Variants in ATXN7 observed in about 807,000 individuals in gnomAD.
The protein encoded by ATXN7 is ataxin 7.
Under a neutral mutation model 70.5 loss-of-function variants are expected in ATXN7, and 12 were observed. That is an observed-to-expected ratio of 0.17 (90% confidence interval 0.11 to 0.28). The LOEUF (loss-of-function observed/expected upper bound fraction) is 0.28, where lower values mean the gene tolerates loss of function less well. ATXN7 is among the 10% of genes least tolerant of loss of function. The probability of loss-of-function intolerance (pLI) is 1.00; values close to 1 mark genes in which losing one functional copy is unlikely to be tolerated. For missense variants in ATXN7, 1,256 were observed against 1,131.7 expected (o/e 1.11, Z -1.58); for synonymous variants, 498 against 448.7 (o/e 1.11, Z -1.39).
At chr3:63,868,138 C>T (rs183191191) in intron 1 of ATXN7, among the ~76,000 whole-genome samples, 3 of 152,270 alleles carry the variant, frequency 2.0e-5, no homozygotes, top group East Asian at 3.9e-4. Flanking sequence ...ATGGGTCTTT[C>T]AGCTCCACTC....
At chr3:63,881,198 T>A (rs1308660921) in intron 1 of ATXN7, among the ~76,000 whole-genome samples, 1 of 152,222 alleles carries the variant, frequency 6.6e-6, no homozygotes, top group African/African-American at 2.4e-5. Context: ...GGATTTAAAC[T>A]CTGGTCTGTT....
rs560565279 is a variant in ATXN7 at position 63,996,147 on chromosome 3, A to G, written c.2325A>G (p.Ser775=). The part of the protein sequence containing the change: ...ANAVNVRHDQ[S]GRGPPTGSPA... ...CGGTGAACGTCCGGCATGACCAGTC[A>G]GGGAGGGGCCCCCCCACCGGGAGCC... The change falls in exon 12 of 13, where the codon TCA becomes TCG. Residue 775 remains serine, a synonymous_variant. Coordinates refer to ENST00000674280, the MANE Select transcript of ATXN7 (RefSeq NM_001377405.1). The G allele has an allele frequency of 6.2e-7, 1 of 1,614,170 alleles. No homozygotes were observed. Among genetic ancestry groups the G allele is most frequent in the African/African-American group, 1.3e-5 (1 of 75,034 alleles).
At chr3:63,913,051 C>T (rs1336952396) in intron 3 of ATXN7, 106 bp from the exon 4 acceptor site, 13 of 1,366,142 alleles carry the variant, frequency 9.5e-6, no homozygotes, top group African/African-American at 7.4e-5. Context: ...TGCTGGGTTG[C>T]GGAACGCGGA....
At position 63,980,110 on chromosome 3, in the gene ATXN7, G is replaced by A. The variant is rs199913643; in HGVS notation, c.695G>A (p.Arg232Lys). 751 of 1,614,194 alleles carry A rather than the reference G, an allele frequency of 4.7e-4. No homozygotes were observed. The highest frequency in any genetic ancestry group is 5.8e-4 in the Non-Finnish European group (683 of 1,180,042). The change falls in exon 6 of 13, where the codon AGG becomes AAG. Residue 232 changes from arginine to lysine, a missense_variant. By Grantham distance (26) the Arg-to-Lys change is conservative. Transcript: ENST00000674280. ...TCACCCAAAGAGAAACTGCAGCTCA[G>A]GGGGAACACCAGGCCAATGCATCCC... ...LKSPKEKLQL[R>K]GNTRPMHPIQ...
chr3:63,979,042 G>A (rs1408698403), intron 5 of ATXN7, among the ~76,000 whole-genome samples: 2 of 152,136 alleles, frequency 1.3e-5, no homozygotes, highest in Admixed American at 1.3e-4. Context: ...GTACTCAAGC[G>A]GATAAAGTTA....
intron 1 of ATXN7, among the ~76,000 whole-genome samples, chr3:63,882,716 A>G (rs555180004): frequency 3.3e-5 from 5 of 152,224 alleles, no homozygotes; most frequent in African/African-American, 1.2e-4. Context: ...TGTGTTGTTT[A>G]TTTATCAGAC....
At chr3:63,966,701 T>C (rs981600951) in intron 5 of ATXN7, among the ~76,000 whole-genome samples, 3 of 152,200 alleles carry the variant, frequency 2.0e-5, no homozygotes, top group Admixed American at 2.0e-4. Context: ...ATTTAGAATT[T>C]GGTCTAATAG....
chr3:63,975,171 A>G (rs1412051682), intron 5 of ATXN7, among the ~76,000 whole-genome samples: 1 of 152,260 alleles, frequency 6.6e-6, no homozygotes, highest in Admixed American at 6.5e-5. Context: ...GCTTTATAGC[A>G]GAACTGAAGA....
chr3:63,893,781 G>T (rs957893684), intron 1 of ATXN7, among the ~76,000 whole-genome samples: 8 of 151,944 alleles, frequency 5.3e-5, no homozygotes, highest in African/African-American at 1.7e-4. Flanking sequence ...CTGTAGCTCA[G>T]CAGGTAGAAA....
chr3:63,962,015 G>A (rs2075140847), intron 5 of ATXN7, among the ~76,000 whole-genome samples: 1 of 152,166 alleles, frequency 6.6e-6, no homozygotes, highest in Admixed American at 6.5e-5. Flanking sequence ...AGAAGAGGGA[G>A]TTTTTATCAC....
intron 11 of ATXN7, among the ~76,000 whole-genome samples, chr3:63,991,587 GTTGAAGAAAT>G (rs2075672519): frequency 1.3e-5 from 2 of 152,118 alleles, no homozygotes; most frequent in African/African-American, 4.8e-5. Context: ...AAGACAGTTT[GTTGAAGAAAT>G]AGCAAGAAAT....
At chr3:63,908,918 T>G (rs1422489882) in intron 2 of ATXN7, among the ~76,000 whole-genome samples, 7 of 152,200 alleles carry the variant, frequency 4.6e-5, no homozygotes, top group Admixed American at 3.9e-4. Context: ...ATGCACAGAA[T>G]TAGCAGTACT....
chr3:63,977,650 A>C (rs753170688), intron 5 of ATXN7, among the ~76,000 whole-genome samples: 1 of 152,036 alleles, frequency 6.6e-6, no homozygotes, highest in Non-Finnish European at 1.5e-5. Flanking sequence ...GCCCTGCTTC[A>C]CTCTGGGGCC....
intron 2 of ATXN7, 86 bp from the exon 3 acceptor site, chr3:63,912,502 C>A: frequency 2.2e-6 from 2 of 902,386 alleles, no homozygotes; most frequent in Non-Finnish European, 2.7e-6. Flanking sequence ...GGTCCGCGGG[C>A]CGCGCACGCC....
intron 5 of ATXN7, among the ~76,000 whole-genome samples, chr3:63,961,546 G>T (rs2075131756): frequency 6.6e-6 from 1 of 152,024 alleles, no homozygotes; most frequent in Non-Finnish European, 1.5e-5. Context: ...CAATAATAAG[G>T]CAGTGAAAAT....
chr3:63,892,559 A>G (rs1245113007), intron 1 of ATXN7, among the ~76,000 whole-genome samples: 2 of 151,796 alleles, frequency 1.3e-5, no homozygotes, highest in Non-Finnish European at 2.9e-5. Context: ...TTTGCCTCTT[A>G]TCCCTCCTTC....
rs2075848751 is a variant in ATXN7 at position 64,002,851 on chromosome 3, C to T, written c.*3384C>T. On this transcript the variant is annotated 3_prime_UTR_variant, in exon 13 of 13. Coordinates refer to ENST00000674280, the MANE Select transcript of ATXN7 (RefSeq NM_001377405.1). ...CAGCCAGCAACTTACACGATGTGTC[C>T]GTTTTGTTATTCACTCATGAAATAC... 1 of 151,924 alleles carries T rather than the reference C, an allele frequency of 6.6e-6. No individual in the cohort carries two copies. The highest frequency in any genetic ancestry group is 1.5e-5 in the Non-Finnish European group (1 of 67,978). The allele number at this position is 151,924 out of a possible 1,614,324, so 9.4% of individuals were successfully genotyped here.
chr3:63,991,934 T>C (rs1371188888), intron 11 of ATXN7, among the ~76,000 whole-genome samples: 1 of 152,206 alleles, frequency 6.6e-6, no homozygotes, highest in Non-Finnish European at 1.5e-5. Context: ...ATGTGGAACA[T>C]GTCCCAAGCT....
intron 1 of ATXN7, among the ~76,000 whole-genome samples, chr3:63,877,514 G>A (rs1441438558): frequency 1.3e-5 from 2 of 152,230 alleles, no homozygotes; most frequent in African/African-American, 4.8e-5. Flanking sequence ...AGGCTGATGA[G>A]AGCTGCCTGG....
Sources: allele counts gnomAD v4.1 joint callset (sites outside exome capture counted in the v4.1 genomes callset), GRCh38; gene constraint gnomAD v4.1.1; transcripts MANE v1.5; gene names NCBI Gene and HGNC (gene_info 2026-07-23, HGNC 2026-07-21).